The following LYPLAL1 variants were observed in gnomAD, a reference collection of about 807,000 sequenced individuals.
The protein encoded by LYPLAL1 is lysophospholipase-like protein 1.
LYPLAL1 carries 23 observed loss-of-function variants against 19.7 expected under a neutral mutation model. The ratio of observed to expected loss-of-function variants is 1.17; its 90% CI spans 0.84 to 1.65. The LOEUF is 1.65. Among genes scored for constraint, LYPLAL1 ranks in the 40% most tolerant of loss-of-function variants. LYPLAL1 has a pLI of 0.00. For missense variants in LYPLAL1, 355 were observed against 279.4 expected, an observed-to-expected ratio of 1.27 and a Z score of -1.93; for synonymous variants, 119 against 96.3, an observed-to-expected ratio of 1.24 and a Z score of -1.38.
At chr1:219,399,285 G>T in the LYPLAL1 span, among the ~76,000 whole-genome samples, 3 of 152,162 alleles carry the variant, frequency 2.0e-5, no homozygotes, top group Admixed American at 6.5e-5. Flanking sequence ...ACAGACAGGG[G>T]TGGTGACTCA....
At chr1:219,314,654 G>C in the LYPLAL1 span, among the ~76,000 whole-genome samples, 1 of 152,012 alleles carries the variant, frequency 6.6e-6, no homozygotes, top group Non-Finnish European at 1.5e-5. Context: ...CCGTGGTCTC[G>C]ATCTCCTGAC....
the LYPLAL1 span, among the ~76,000 whole-genome samples, chr1:219,279,261 C>T: frequency 6.6e-6 from 1 of 152,090 alleles, no homozygotes; most frequent in Non-Finnish European, 1.5e-5. Flanking sequence ...GAGAGAATGG[C>T]ATAGTAGGTA....
chr1:219,284,572 A>G, the LYPLAL1 span, among the ~76,000 whole-genome samples: 26 of 152,358 alleles, frequency 1.7e-4, no homozygotes, highest in African/African-American at 6.0e-4. Context: ...ATAGTAAATT[A>G]AAAAAAGAAA....
chr1:219,428,275 T>C, the LYPLAL1 span, among the ~76,000 whole-genome samples: 4,168 of 152,318 alleles, frequency 0.027, 179 homozygotes, highest in African/African-American at 0.095. Flanking sequence ...TTCATGAGCT[T>C]TTATTTCTCA....
the LYPLAL1 span, among the ~76,000 whole-genome samples, chr1:219,306,917 G>A: frequency 0.32 from 48,672 of 150,860 alleles, 8,595 homozygotes; most frequent in Non-Finnish European, 0.39. Context: ...CTGTTTCTCC[G>A]GAAAACCCTT....
At chr1:219,190,728 A>G (rs987129338) in intron 2 of LYPLAL1, among the ~76,000 whole-genome samples, 3 of 151,338 alleles carry the variant, frequency 2.0e-5, no homozygotes, top group African/African-American at 7.3e-5. Flanking sequence ...ATATTTGTCA[A>G]TAATAGACAA....
At chr1:219,214,421 T>G (rs938432987), downstream of LYPLAL1, among the ~76,000 whole-genome samples, 2 of 152,106 alleles carry the variant, frequency 1.3e-5, no homozygotes, top group Middle Eastern at 3.2e-3. Context: ...TCTTCTGTTT[T>G]CTGGGATAAA....
At chr1:219,373,339 A>G in the LYPLAL1 span, among the ~76,000 whole-genome samples, 1 of 152,234 alleles carries the variant, frequency 6.6e-6, no homozygotes, top group South Asian at 2.1e-4. Flanking sequence ...CTAACGCAGT[A>G]TATTGAGTTG....
chr1:219,324,486 C>G, the LYPLAL1 span, among the ~76,000 whole-genome samples: 1 of 152,160 alleles, frequency 6.6e-6, no homozygotes, highest in Non-Finnish European at 1.5e-5. Context: ...ATCCCTTCCC[C>G]CTCTGCACTC....
Position 219,179,260 on chromosome 1 carries a change from T to A in LYPLAL1, c.191+14T>A, listed in dbSNP as rs1656067387. The A allele has an allele frequency of 6.5e-7, 1 of 1,548,342 alleles. No individual in the cohort carries two copies. Among genetic ancestry groups the A allele is most frequent in the African/African-American group, 1.4e-5 (1 of 73,380 alleles). The stretch of plus-strand genomic sequence containing the variant: ...AGCTCCTCCCAGGTATGCAGTAATT[T>A]ATCTCACTTGTCAATATAACTCTGT... On this transcript the variant is annotated intron_variant, in intron 2 of 4. Transcript: ENST00000366928.
chr1:219,266,803 T>C, the LYPLAL1 span, among the ~76,000 whole-genome samples: 1 of 152,180 alleles, frequency 6.6e-6, no homozygotes, highest in Non-Finnish European at 1.5e-5. Context: ...TGCAGTCCGT[T>C]GTTGATGGAA....
intron 2 of LYPLAL1, among the ~76,000 whole-genome samples, chr1:219,181,647 G>A (rs1656293380): frequency 6.6e-6 from 1 of 152,136 alleles, no homozygotes; most frequent in South Asian, 2.1e-4. Context: ...GAAGCCTCTT[G>A]ATCTGGACCA....
the LYPLAL1 span, among the ~76,000 whole-genome samples, chr1:219,370,403 A>G: frequency 6.6e-6 from 1 of 152,012 alleles, no homozygotes; most frequent in Non-Finnish European, 1.5e-5. Context: ...CCACACATGC[A>G]CTTGCTTCTC....
chr1:219,290,015 G>A, the LYPLAL1 span, among the ~76,000 whole-genome samples: 2 of 152,200 alleles, frequency 1.3e-5, no homozygotes, highest in African/African-American at 4.8e-5. Flanking sequence ...AGTGAGAGCT[G>A]CAGGTAAGCA....
At chr1:219,318,312 T>C in the LYPLAL1 span, among the ~76,000 whole-genome samples, 3 of 152,126 alleles carry the variant, frequency 2.0e-5, no homozygotes, top group Non-Finnish European at 4.4e-5. Context: ...CCAGGAAGTC[T>C]TCCCTGCCTC....
the LYPLAL1 span, among the ~76,000 whole-genome samples, chr1:219,246,026 T>TTAACAAA: frequency 1.2e-4 from 18 of 152,184 alleles, no homozygotes; most frequent in African/African-American, 4.3e-4. Flanking sequence ...GGTTTAATGG[T>TTAACAAA]TAACAAATTA....
the LYPLAL1 span, among the ~76,000 whole-genome samples, chr1:219,393,544 G>A: frequency 6.6e-6 from 1 of 152,112 alleles, no homozygotes; most frequent in African/African-American, 2.4e-5. Context: ...AAGACTGGCT[G>A]ATGCAGGGTT....
chr1:219,353,069 A>G, the LYPLAL1 span, among the ~76,000 whole-genome samples: 1 of 152,264 alleles, frequency 6.6e-6, no homozygotes, highest in Admixed American at 6.5e-5. Context: ...AGACATTGAA[A>G]AGCTGTCAGC....
At chr1:219,224,300 A>G in the LYPLAL1 span, among the ~76,000 whole-genome samples, 1 of 152,228 alleles carries the variant, frequency 6.6e-6, no homozygotes, top group African/African-American at 2.4e-5. Flanking sequence ...TCTCTAGGTA[A>G]GTCTAACAAC....
Sources: allele counts gnomAD v4.1 joint callset (sites outside exome capture counted in the v4.1 genomes callset), GRCh38; gene constraint gnomAD v4.1.1; transcripts MANE v1.5; gene names NCBI Gene and HGNC (gene_info 2026-07-23, HGNC 2026-07-21).